DNAH12: variants seen among roughly 807,000 people sequenced by gnomAD.
DNAH12 encodes the protein dynein axonemal heavy chain 12, also known as axonemal beta dynein heavy chain 12.
In DNAH12, 285 loss-of-function variants were observed where a neutral mutation model predicts 371.5. That is an observed-to-expected ratio of 0.77 (90% CI 0.70 to 0.85). DNAH12 has a LOEUF of 0.85. DNAH12 is among the 40% of genes least tolerant of loss of function. The pLI, the probability that DNAH12 is intolerant of heterozygous loss-of-function variation, is 0.00. For synonymous variants in DNAH12, 1,200 were observed against 1,213.0 expected (o/e 0.99, Z 0.22); for missense variants, 3,611 against 3,689.4 (o/e 0.98, Z 0.55).
At chr3:57,417,603 C>G (rs1251063135) in intron 37 of DNAH12, among the ~76,000 whole-genome samples, 1 of 152,032 alleles carries the variant, frequency 6.6e-6, no homozygotes, top group Non-Finnish European at 1.5e-5. Context: ...TTTTGCTATC[C>G]TCTAAAATGT....
At chr3:57,509,424 A>G (rs1183008069) in intron 5 of DNAH12, among the ~76,000 whole-genome samples, 1 of 152,144 alleles carries the variant, frequency 6.6e-6, no homozygotes. Context: ...ATAAGATCTC[A>G]GTTTTTCACA....
rs746264010 is a variant in DNAH12, at chr3:57,301,923, G to A, written c.11206C>T (p.Arg3736Cys). The A allele has an allele frequency of 8.4e-6, 13 of 1,551,290 alleles. No individual in the cohort carries two copies. The highest frequency in any genetic ancestry group is 1.7e-4 in the Middle Eastern group (1 of 6,014). Residue 3736 changes from arginine (R) to cysteine (C), a missense_variant, in exon 70 of 74, where the codon CGT (arginine) becomes TGT (cysteine). Physicochemically the swap from Arg to Cys is radical, Grantham distance 180. Transcript: ENST00000495027. ...TTTTCAAGGTCCCGTAGAGTGTTACGTATAGTTATAATTAAACTGCAATGA... is the reference window on the plus strand; with the variant it reads ...TTTTCAAGGTCCCGTAGAGTGTTACATATAGTTATAATTAAACTGCAATGA... ...ERFNNLIITI[R>C]NTLRDLEKAI... is the part of the protein sequence containing the mutation.
chr3:57,340,065 T>G (rs1553655593), intron 60 of DNAH12, among the ~76,000 whole-genome samples: 1 of 147,516 alleles, frequency 6.8e-6, no homozygotes, highest in African/African-American at 2.6e-5. Flanking sequence ...AGTGACACCC[T>G]GTTTCAAAAA....
intron 58 of DNAH12, among the ~76,000 whole-genome samples, chr3:57,359,385 C>A (rs1179396534): frequency 1.3e-5 from 2 of 151,108 alleles, no homozygotes; most frequent in Non-Finnish European, 3.0e-5. Flanking sequence ...TATGGAGAAA[C>A]CCCATCTCTA....
chr3:57,318,441 C>T (rs1017860335), intron 65 of DNAH12, among the ~76,000 whole-genome samples: 6 of 152,088 alleles, frequency 3.9e-5, no homozygotes, highest in African/African-American at 1.4e-4. Context: ...ATATTCTTGG[C>T]ACCTTTGTCA....
intron 19 of DNAH12, 60 bp downstream of exon 19, chr3:57,461,429 T>C: frequency 6.7e-7 from 1 of 1,481,746 alleles, no homozygotes. Flanking sequence ...TGAGAGCGTA[T>C]ATGTAATAGG....
Position 57,319,862 on chromosome 3 carries a change from G to C in DNAH12, c.10524+2481C>G, listed in dbSNP as rs2061766543. On this transcript the variant is annotated intron_variant, in intron 65 of 73. Coordinates refer to ENST00000495027, the MANE Select transcript of DNAH12 (RefSeq NM_001366028.2). ...AGTCTCCCAAAGTGACAGGATTACA[G>C]GCATGAGCCACCATGCCCAGCTGAG... Among the ~76,000 whole-genome samples, 5 of 152,094 alleles carry C rather than the reference G, an allele frequency of 3.3e-5. No homozygotes were observed. The South Asian group carries it at 1.0e-3, about 32-fold the overall frequency.
At chr3:57,485,319 T>A (rs2066886784) in intron 12 of DNAH12, among the ~76,000 whole-genome samples, 1 of 152,192 alleles carries the variant, frequency 6.6e-6, no homozygotes, top group Non-Finnish European at 1.5e-5. Flanking sequence ...AAATGTGGTA[T>A]ATAGACACCA....
chr3:57,313,704 G>C (rs1006496493), intron 66 of DNAH12, among the ~76,000 whole-genome samples: 1 of 152,104 alleles, frequency 6.6e-6, no homozygotes, highest in African/African-American at 2.4e-5. Flanking sequence ...TTACTCCAGA[G>C]GCTGAGGCAG....
At chr3:57,498,589 G>A in intron 11 of DNAH12, 1 of 715,706 alleles carries the variant, frequency 1.4e-6, no homozygotes, top group Admixed American at 2.0e-5. Flanking sequence ...GTAAACAGAA[G>A]ACCATAGTAA....
intron 2 of DNAH12, chr3:57,536,117 G>A (rs908579110): frequency 1.3e-5 from 2 of 152,192 alleles, no homozygotes; most frequent in Non-Finnish European, 2.9e-5. Flanking sequence ...TTACAAGCAT[G>A]AGCCACCACG....
Position 57,323,258 on chromosome 3 carries a change from G to A in DNAH12, c.10132C>T (p.Leu3378=), listed in dbSNP as rs776068988. The stretch of plus-strand genomic sequence containing the variant: ...GATTTATCATTTGCAAATTTCAGCA[G>A]GCCTATAAGAGGCACAAAAAAATGG... The part of the protein sequence containing the change: ...LSPGADPMAS[L]LKFANDKSMS... The change falls in exon 64 of 74, where the codon CTG becomes TTG. Residue 3378 remains leucine (L), a splice_region_variant and synonymous_variant. Transcript: ENST00000495027. The A allele has an allele frequency of 3.2e-6, 5 of 1,550,030 alleles. No homozygotes were observed. In the African/African-American group the frequency reaches 5.5e-5, roughly 17 times the overall value.
chr3:57,300,039 C>T (rs1267532290), intron 70 of DNAH12, among the ~76,000 whole-genome samples: 3 of 152,126 alleles, frequency 2.0e-5, no homozygotes, highest in South Asian at 2.1e-4. Context: ...GCCTGTAGCC[C>T]GAGCAGCACC....
intron 12 of DNAH12, among the ~76,000 whole-genome samples, chr3:57,486,888 A>G (rs1575671122): frequency 1.3e-5 from 2 of 152,226 alleles, no homozygotes; most frequent in South Asian, 4.1e-4. Context: ...TGGAGTGTCA[A>G]GAAGAAGCCA....
At chr3:57,365,343 C>A (rs2063026560) in intron 57 of DNAH12, among the ~76,000 whole-genome samples, 2 of 152,134 alleles carry the variant, frequency 1.3e-5, no homozygotes, top group African/African-American at 4.8e-5. Context: ...TTATCATCAG[C>A]AAACTAACAC....
intron 13 of DNAH12, among the ~76,000 whole-genome samples, chr3:57,473,387 G>C (rs2153381160): frequency 6.6e-6 from 1 of 152,152 alleles, no homozygotes; most frequent in East Asian, 1.9e-4. Flanking sequence ...CTTGGAGGCT[G>C]AGGCAGGAGA....
At chr3:57,309,068 C>G (rs1200966355) in intron 69 of DNAH12, 83 bp downstream of exon 69, 44 of 1,172,266 alleles carry the variant, frequency 3.8e-5, no homozygotes, top group Non-Finnish European at 4.9e-5. Flanking sequence ...TTTCGCCGCC[C>G]CAACACTTCA....
chr3:57,461,998 A>G (rs1190565206), intron 18 of DNAH12, among the ~76,000 whole-genome samples: 1 of 152,178 alleles, frequency 6.6e-6, no homozygotes, highest in Non-Finnish European at 1.5e-5. Context: ...ATGGCAGCCC[A>G]TAGTCTGAAG....
At chr3:57,343,161 A>C (rs550263077) in intron 60 of DNAH12, among the ~76,000 whole-genome samples, 25 of 152,318 alleles carry the variant, frequency 1.6e-4, no homozygotes, top group African/African-American at 5.5e-4. Flanking sequence ...AAAATGTTTG[A>C]TATCACTAAT....
Sources: gnomAD v4.1 joint callset for allele counts (sites outside exome capture counted in the v4.1 genomes callset) on GRCh38, gnomAD v4.1.1 for gene constraint, MANE v1.5 for transcripts, NCBI Gene and HGNC (gene_info 2026-07-23, HGNC 2026-07-21) for gene names.